The following CCDC141 variants were observed in gnomAD, a reference collection of about 807,000 sequenced individuals.
CCDC141 encodes the protein coiled-coil domain-containing protein 141.
Under a neutral mutation model 181.0 loss-of-function variants are expected in CCDC141, and 168 were observed. The ratio of observed to expected loss-of-function variants is 0.93; its 90% confidence interval spans 0.82 to 1.05. The LOEUF (loss-of-function observed/expected upper bound fraction) is 1.05. Among genes scored for constraint, CCDC141 ranks in the 50% least tolerant of loss-of-function variants. The pLI is 0.00. For synonymous variants in CCDC141, 666 were observed against 642.3 expected (o/e 1.04, Z -0.56); for missense variants, 1,902 against 1,788.5 (o/e 1.06, Z -1.14).
At chr2:178,850,655 T>C (rs1685125037) in intron 20 of CCDC141, among the ~76,000 whole-genome samples, 1 of 152,246 alleles carries the variant, frequency 6.6e-6, no homozygotes, top group South Asian at 2.1e-4. Context: ...CCAGGACTAC[T>C]GTCCCTCCAC....
intron 7 of CCDC141, among the ~76,000 whole-genome samples, chr2:178,907,994 C>T (rs572389043): frequency 7.8e-4 from 118 of 150,446 alleles, no homozygotes; most frequent in African/African-American, 2.6e-3. Flanking sequence ...AGTGAAACTC[C>T]GTCTCAAAAA....
chr2:178,961,085 A>C, intron 5 of CCDC141, 145 bp downstream of exon 5: 1 of 816,456 alleles, frequency 1.2e-6, no homozygotes, highest in Non-Finnish European at 1.9e-6. Context: ...GGGAAAAACA[A>C]CATGGTAGTT....
intron 7 of CCDC141, among the ~76,000 whole-genome samples, chr2:178,916,961 C>T (rs529284962): frequency 1.3e-5 from 2 of 151,516 alleles, no homozygotes; most frequent in East Asian, 3.9e-4. Context: ...AAAAAAAAGG[C>T]TTTTGCAGGA....
rs543748506 is a variant in CCDC141, at chr2:178,936,084, G to A, written c.897+8451C>T. Among the ~76,000 whole-genome samples, 270 of 152,214 alleles carry A rather than the reference G, an allele frequency of 1.8e-3. 5 individuals are homozygous for A. In the South Asian group the frequency reaches 0.023, roughly 13 times the overall value. ...TGTTGATAGTTTCTTTTGCTTTGCA[G>A]AAGCTCTTTAGTTTAATGAGATCCC... On this transcript the variant is annotated intron_variant, in intron 6 of 23. Coordinates refer to ENST00000443758, the MANE Select transcript of CCDC141 (RefSeq NM_173648.4).
intron 17 of CCDC141, 65 bp downstream of exon 17, chr2:178,865,702 G>A: frequency 7.3e-7 from 1 of 1,365,626 alleles, no homozygotes; most frequent in Non-Finnish European, 9.6e-7. Flanking sequence ...TGGACATTTA[G>A]ACACATGCTT....
At chr2:178,880,992 T>C (rs1362102132) in intron 11 of CCDC141, among the ~76,000 whole-genome samples, 1 of 152,194 alleles carries the variant, frequency 6.6e-6, no homozygotes, top group Admixed American at 6.5e-5. Flanking sequence ...CAGTTGGGGC[T>C]GAGGAACCAC....
chr2:179,001,327 C>T (rs76066576), intron 2 of CCDC141, among the ~76,000 whole-genome samples: 6,280 of 152,142 alleles, frequency 0.041, 402 homozygotes, highest in East Asian at 0.2. Flanking sequence ...ATAGAGGAAA[C>T]GAAGAAAGGA....
the CCDC141 span, among the ~76,000 whole-genome samples, chr2:178,822,121 G>A: frequency 2.0e-5 from 3 of 151,914 alleles, no homozygotes; most frequent in African/African-American, 4.8e-5. Flanking sequence ...CATGGATGAA[G>A]CTGGAAACCA....
chr2:179,021,547 T>C (rs2042692517), intron 2 of CCDC141, among the ~76,000 whole-genome samples: 2 of 152,202 alleles, frequency 1.3e-5, no homozygotes, highest in Admixed American at 1.3e-4. Flanking sequence ...AGAATTCTTG[T>C]GTCAACTCTT....
At chr2:178,902,522 A>G (rs1687749616) in intron 8 of CCDC141, among the ~76,000 whole-genome samples, 1 of 152,214 alleles carries the variant, frequency 6.6e-6, no homozygotes, top group South Asian at 2.1e-4. Flanking sequence ...TCCCTATTTA[A>G]TAAATGGTGC....
intron 16 of CCDC141, among the ~76,000 whole-genome samples, 179 bp from the exon 17 acceptor site, chr2:178,866,095 CAACAT>C (rs1685840687): frequency 6.6e-6 from 1 of 152,148 alleles, no homozygotes; most frequent in Non-Finnish European, 1.5e-5. Flanking sequence ...GCCAGTCACC[CAACAT>C]TATGGAAAAG....
rs111770055 is a variant in CCDC141, at chr2:178,947,820, G to A, written c.781-3169C>T. Among the ~76,000 whole-genome samples, 15 of 152,312 alleles carry A rather than the reference G, an allele frequency of 9.8e-5. 2 individuals are homozygous for A. Among genetic ancestry groups the A allele is most frequent in the African/African-American group, 3.4e-4 (14 of 41,572 alleles). On this transcript the variant is annotated intron_variant, in intron 5 of 23. Transcript: ENST00000443758. ...CTATCTTGTACTTGGAAAGTGACTAGTCCTACTTGAGACATGCTCCACGTG... is the reference window on the plus strand; with the variant it reads ...CTATCTTGTACTTGGAAAGTGACTAATCCTACTTGAGACATGCTCCACGTG...
At chr2:178,868,234 T>C (rs907274479) in intron 15 of CCDC141, 29 bp from the exon 16 acceptor site, 3 of 1,576,922 alleles carry the variant, frequency 1.9e-6, no homozygotes, top group African/African-American at 2.7e-5. Flanking sequence ...ACAATTAACC[T>C]GGGTTTTATA....
chr2:178,840,028 C>T (rs1684657974), intron 22 of CCDC141, among the ~76,000 whole-genome samples: 1 of 152,144 alleles, frequency 6.6e-6, no homozygotes, highest in Non-Finnish European at 1.5e-5. Flanking sequence ...GAATATCTTC[C>T]TATATGTAGC....
chr2:178,950,407 CTGGACTTAACTAGCG>C (rs1689905509), intron 5 of CCDC141, among the ~76,000 whole-genome samples: 1 of 152,054 alleles, frequency 6.6e-6, no homozygotes, highest in Non-Finnish European at 1.5e-5. Flanking sequence ...CAAATGAGCT[CTGGACTTAACTAGCG>C]ATGACCAGAT....
chr2:178,926,862 A>G (rs945014350), intron 6 of CCDC141, among the ~76,000 whole-genome samples: 3 of 152,198 alleles, frequency 2.0e-5, no homozygotes, highest in Admixed American at 6.5e-5. Flanking sequence ...ATATACATAC[A>G]TATGTTATAT....
chr2:178,820,773 A>G, the CCDC141 span, among the ~76,000 whole-genome samples: 1 of 152,180 alleles, frequency 6.6e-6, no homozygotes, highest in East Asian at 1.9e-4. Flanking sequence ...CTTAATGTCT[A>G]TATAATAAAG....
chr2:178,895,687 C>A (rs369375708), intron 8 of CCDC141, among the ~76,000 whole-genome samples: 91 of 152,270 alleles, frequency 6.0e-4, no homozygotes, highest in South Asian at 2.1e-3. Context: ...TGGAAAGTGG[C>A]TGGGTTGACT....
At chr2:178,865,283 CAA>C (rs1405419653) in intron 17 of CCDC141, among the ~76,000 whole-genome samples, 3 of 152,192 alleles carry the variant, frequency 2.0e-5, no homozygotes, top group Non-Finnish European at 2.9e-5. Flanking sequence ...GCCTCCAAAG[CAA>C]AGTGTCTGCT....
Sources: gnomAD v4.1 joint callset for allele counts (sites outside exome capture counted in the v4.1 genomes callset) on GRCh38, gnomAD v4.1.1 for gene constraint, MANE v1.5 for transcripts, NCBI Gene and HGNC (gene_info 2026-07-23, HGNC 2026-07-21) for gene names.